CAMKK2: variants seen among roughly 807,000 people sequenced by gnomAD.
CAMKK2 encodes calcium/calmodulin dependent protein kinase kinase 2.
A neutral mutation model predicts 67.2 loss-of-function variants in CAMKK2; 30 were observed. That is an observed-to-expected ratio of 0.45 (90% CI 0.33 to 0.61). CAMKK2 has a LOEUF of 0.61. CAMKK2 is among the 20% of genes least tolerant of loss of function. CAMKK2 has a pLI of 0.02. For missense variants in CAMKK2, 643 were observed against 802.0 expected (o/e 0.80, Z 2.39); for synonymous variants, 322 against 326.2 (o/e 0.99, Z 0.14).
At chr12:121,247,520 G>A (rs905544697) in intron 14 of CAMKK2, among the ~76,000 whole-genome samples, 3 of 152,232 alleles carry the variant, frequency 2.0e-5, no homozygotes, top group African/African-American at 7.2e-5. Context: ...AGTAACCCAC[G>A]GTGGGTGCAG....
chr12:121,262,320 G>C (rs1893616223), intron 6 of CAMKK2, among the ~76,000 whole-genome samples: 1 of 152,076 alleles, frequency 6.6e-6, no homozygotes, highest in Non-Finnish European at 1.5e-5. Context: ...AGACCATCCT[G>C]ACTAACACGG....
At chr12:121,241,438 C>T (rs1403269707) in intron 16 of CAMKK2, among the ~76,000 whole-genome samples, 2 of 152,198 alleles carry the variant, frequency 1.3e-5, no homozygotes, top group Non-Finnish European at 2.9e-5. Context: ...GGGAGGAGCA[C>T]CTCAGACAGA....
intron 15 of CAMKK2, among the ~76,000 whole-genome samples, chr12:121,244,916 T>C (rs1653593): frequency 0.064 from 9,814 of 152,292 alleles, 364 homozygotes; most frequent in South Asian, 0.12. Context: ...CAGTGCAAGT[T>C]CCCGAGAAAG....
At chr12:121,295,376 G>A (rs912319451) in intron 1 of CAMKK2, among the ~76,000 whole-genome samples, 3 of 152,144 alleles carry the variant, frequency 2.0e-5, no homozygotes, top group Admixed American at 1.3e-4. Context: ...TTGCCCTAAA[G>A]CTGCATTTGC....
In CAMKK2 at chr12:121,249,801, C is replaced by T; in HGVS notation, c.1309G>A (p.Val437Met). The T allele has an allele frequency of 1.2e-6, 2 of 1,614,114 alleles. No individual in the cohort carries two copies. Among genetic ancestry groups the T allele is most frequent in the Non-Finnish European group, 1.7e-6 (2 of 1,179,996 alleles). Residue 437 changes from valine to methionine, a missense_variant, in exon 13 of 17, where the codon GTG (valine) becomes ATG (methionine). Val to Met is a conservative substitution (Grantham distance 21, BLOSUM62 1). Transcript: ENST00000404169. ...LDKNPESRIV[V>M]PEIKLHPWVT... is the part of the protein sequence containing the mutation. ...GCCAAGGGTACCTTGATTTCCGGCACCACGATCCTCGACTCGGGGTTCTTG... is the reference window on the plus strand; with the variant it reads ...GCCAAGGGTACCTTGATTTCCGGCATCACGATCCTCGACTCGGGGTTCTTG...
chr12:121,275,147 A>G (rs2136454536), intron 1 of CAMKK2, among the ~76,000 whole-genome samples: 2 of 152,212 alleles, frequency 1.3e-5, no homozygotes, highest in East Asian at 3.9e-4. Flanking sequence ...AAGGAGGTTA[A>G]TAAGTTTGCC....
chr12:121,259,018 T>C (rs1169927878), intron 7 of CAMKK2, among the ~76,000 whole-genome samples: 1 of 152,042 alleles, frequency 6.6e-6, no homozygotes, highest in Non-Finnish European at 1.5e-5. Context: ...AATTTTTGTA[T>C]TTTTAGTAGA....
Position 121,274,448 on chromosome 12 carries a change from T to C in CAMKK2, c.79A>G (p.Ser27Gly), listed in dbSNP as rs1478831102. 6.2e-7 allele frequency: 1 copy of C among 1,613,064 alleles called. No homozygotes were observed. The highest frequency in any genetic ancestry group is 8.5e-7 in the Non-Finnish European group (1 of 1,179,936). Residue 27 changes from serine to glycine, a missense_variant, in exon 2 of 17, where the codon AGC (serine) becomes GGC (glycine). This residue lies in a region of CAMKK2 where 483 missense variants were observed against 625.8 expected (regional missense o/e 0.77). Transcript: ENST00000404169. Reference sequence around the variant, plus strand: ...TCACAGGGCTTCTGGCTTTCGCTGCTGCTGCTGCCCCTGCCCCCCAGCTCA... The same window carrying C: ...TCACAGGGCTTCTGGCTTTCGCTGCCGCTGCTGCCCCTGCCCCCCAGCTCA... ...QDELGGRGSS[S>G]SESQKPCEAL...
intron 14 of CAMKK2, among the ~76,000 whole-genome samples, chr12:121,246,091 G>A (rs1247433716): frequency 1.3e-5 from 2 of 152,186 alleles, no homozygotes; most frequent in Admixed American, 1.3e-4. Flanking sequence ...CTGGGGGGAG[G>A]TGAATGGAGA....
intron 1 of CAMKK2, among the ~76,000 whole-genome samples, chr12:121,284,842 A>C (rs576080626): frequency 6.6e-6 from 1 of 152,284 alleles, no homozygotes; most frequent in South Asian, 2.1e-4. Context: ...AATGCACAGG[A>C]TTTGGGCACA....
rs1337578938 is a variant in CAMKK2 at position 121,237,740 on chromosome 12, AAC to A, written c.*2957_*2958del. 4.6e-5 allele frequency: 7 copies of A among 152,742 alleles called. No homozygotes were observed. The highest frequency in any genetic ancestry group is 6.8e-3 in the Middle Eastern group (2 of 294). 9.5% of individuals were successfully genotyped at this position (152,742 alleles called of 1,614,324 possible). On this transcript the variant is annotated 3_prime_UTR_variant, in exon 17 of 17. Coordinates refer to ENST00000404169, the MANE Select transcript of CAMKK2 (RefSeq NM_001270485.2). The surrounding 1 kb of genome is among the most constrained non-coding windows in gnomAD (Gnocchi z 4.5). ...TATTTCAACTGTACAGAGAAGCTTA[AAC>A]ACCTGTGGAAAAACACGAAAGGCTT...
At position 121,244,555 on chromosome 12, in the gene CAMKK2, C is replaced by T. The variant is rs1593265299; in HGVS notation, c.1596+18G>A. On this transcript the variant is annotated intron_variant, in intron 16 of 16. Coordinates refer to ENST00000404169, the MANE Select transcript of CAMKK2 (RefSeq NM_001270485.2). ...TCAGGCCCCAGCAGAGGCTACGGCA[C>T]AGGCAGGCGGGCGTTACCTTGAGCT... 6.4e-7 allele frequency: 1 copy of T among 1,557,792 alleles called. No individual in the cohort carries two copies. The highest frequency in any genetic ancestry group is 8.7e-7 in the Non-Finnish European group (1 of 1,150,200).
At chr12:121,244,355 C>T (rs1888976711) in intron 16 of CAMKK2, among the ~76,000 whole-genome samples, 1 of 152,226 alleles carries the variant, frequency 6.6e-6, no homozygotes, top group African/African-American at 2.4e-5. Flanking sequence ...GCGCCATGCA[C>T]CCGCAGCCCC....
chr12:121,289,117 G>A (rs1899419417), intron 1 of CAMKK2, among the ~76,000 whole-genome samples: 1 of 152,064 alleles, frequency 6.6e-6, no homozygotes, highest in Non-Finnish European at 1.5e-5. Flanking sequence ...GGTCGAGCCT[G>A]CAGAGCCAGG....
At chr12:121,297,798 T>A (rs1901548286), upstream of CAMKK2, 1 of 462,276 alleles carries the variant, frequency 2.2e-6, no homozygotes, top group African/African-American at 2.0e-5. Flanking sequence ...TTCTCTTGTA[T>A]TTCTAGGCCG....
At chr12:121,291,109 T>G (rs1203192035) in intron 1 of CAMKK2, among the ~76,000 whole-genome samples, 2 of 152,242 alleles carry the variant, frequency 1.3e-5, no homozygotes, top group African/African-American at 4.8e-5. Context: ...CGTAAGCCAC[T>G]GTGCCTGGCC....
intron 5 of CAMKK2, among the ~76,000 whole-genome samples, chr12:121,265,536 G>A (rs533630194): frequency 2.6e-4 from 40 of 152,232 alleles, no homozygotes; most frequent in African/African-American, 9.1e-4. Flanking sequence ...AGTAGGTCAC[G>A]AGGATACAGC....
chr12:121,274,498 C>T lies in CAMKK2; in HGVS notation c.29G>A (p.Ser10Asn), dbSNP rs28360477. Residue 10 changes from serine to asparagine, a missense_variant, in exon 2 of 17, where the codon AGC (serine) becomes AAC (asparagine). Ser to Asn is a conservative substitution (Grantham distance 46). Around this residue, in one of 3 missense-constraint regions of CAMKK2, gnomAD observed 483 missense variants for 625.8 expected, o/e 0.77. Transcript: ENST00000404169. MSSCVSSQPSSNRAAPQDEL... is the reference protein window; with the variant it reads MSSCVSSQPNSNRAAPQDEL... Reference sequence around the variant, plus strand: ...ATCCTGGGGGGCGGCCCGGTTGCTGCTGGGCTGGCTAGAGACACATGATGA... The same window carrying T: ...ATCCTGGGGGGCGGCCCGGTTGCTGTTGGGCTGGCTAGAGACACATGATGA... The T allele has an allele frequency of 0.043, 69,405 of 1,611,934 alleles. 1,748 individuals carry two copies. The highest frequency in any genetic ancestry group is 0.051 in the Non-Finnish European group (59,861 of 1,179,648).
intron 1 of CAMKK2, among the ~76,000 whole-genome samples, chr12:121,288,603 T>C (rs75248684): frequency 0.09 from 13,747 of 152,166 alleles, 751 homozygotes; most frequent in East Asian, 0.17. Flanking sequence ...TGGTTCCCCA[T>C]TTAAACTTCT....
Sources: allele counts gnomAD v4.1 joint callset (sites outside exome capture counted in the v4.1 genomes callset), GRCh38; gene constraint gnomAD v4.1.1; regional missense constraint gnomAD v4.1.1; non-coding constraint Gnocchi (gnomAD v3.1); transcripts MANE v1.5; gene names NCBI Gene and HGNC (gene_info 2026-07-23, HGNC 2026-07-21).